The following TBC1D22A variants were observed in gnomAD, a reference collection of about 807,000 sequenced individuals.
TBC1D22A encodes the protein putative GTPase activator.
A neutral mutation model predicts 60.2 loss-of-function variants in TBC1D22A; 38 were observed. The ratio of observed to expected loss-of-function variants is 0.63; its 90% CI spans 0.49 to 0.83. The LOEUF is 0.83. Ranked by LOEUF, TBC1D22A falls within the 40% of genes least tolerant of loss-of-function variation. TBC1D22A has a pLI of 0.00. For missense variants in TBC1D22A, 628 were observed against 701.0 expected (o/e 0.90, Z 1.18); for synonymous variants, 302 against 281.7 (o/e 1.07, Z -0.72).
chr22:47,119,889 A>G (rs569509869), intron 12 of TBC1D22A, among the ~76,000 whole-genome samples: 2 of 152,314 alleles, frequency 1.3e-5, no homozygotes, highest in Non-Finnish European at 2.9e-5. Context: ...GTGTCTGTCC[A>G]GGGCGCCTCG....
intron 12 of TBC1D22A, among the ~76,000 whole-genome samples, chr22:47,122,764 C>T (rs2092839): frequency 0.4 from 61,176 of 152,076 alleles, 12,645 homozygotes; most frequent in South Asian, 0.53. Context: ...GCAGAAGCAG[C>T]GGCGAGGCAT....
chr22:47,034,763 T>G (rs1268791721), intron 10 of TBC1D22A, among the ~76,000 whole-genome samples: 2 of 152,180 alleles, frequency 1.3e-5, no homozygotes, highest in African/African-American at 4.8e-5. Flanking sequence ...AAAGATGAAA[T>G]TGCATTGAAA....
At chr22:46,999,892 G>A (rs2075253767) in intron 10 of TBC1D22A, among the ~76,000 whole-genome samples, 1 of 152,114 alleles carries the variant, frequency 6.6e-6, no homozygotes, top group South Asian at 2.1e-4. Flanking sequence ...GGGCGTGGTG[G>A]CAGGCGCCTG....
At chr22:47,045,238 G>A (rs1009603800) in intron 11 of TBC1D22A, among the ~76,000 whole-genome samples, 8 of 152,234 alleles carry the variant, frequency 5.3e-5, no homozygotes, top group South Asian at 2.1e-4. Flanking sequence ...GGCTGCACAC[G>A]CGGCTGTGTG....
intron 8 of TBC1D22A, chr22:46,915,685 A>T (rs1057177670): frequency 2.0e-5 from 9 of 456,620 alleles, no homozygotes; most frequent in African/African-American, 1.8e-4. Context: ...GCTTTCAGGC[A>T]ACAGCAGACA....
At chr22:47,017,974 T>G (rs2061960685) in intron 10 of TBC1D22A, among the ~76,000 whole-genome samples, 1 of 152,260 alleles carries the variant, frequency 6.6e-6, no homozygotes, top group African/African-American at 2.4e-5. Flanking sequence ...TGGACACCTC[T>G]GCAGTGGTGG....
intron 1 of TBC1D22A, among the ~76,000 whole-genome samples, chr22:46,767,311 T>A (rs2083321833): frequency 6.6e-6 from 1 of 152,224 alleles, no homozygotes; most frequent in Non-Finnish European, 1.5e-5. Context: ...TGTCTGTATC[T>A]GTAGCACAAA....
chr22:47,077,121 A>G (rs1182740397), intron 11 of TBC1D22A, among the ~76,000 whole-genome samples: 1 of 152,228 alleles, frequency 6.6e-6, no homozygotes, highest in Admixed American at 6.5e-5. Context: ...CCTGGTGCCA[A>G]TGGCTCAGCT....
At chr22:47,147,429 G>T (rs564242831) in intron 12 of TBC1D22A, among the ~76,000 whole-genome samples, 21 of 152,214 alleles carry the variant, frequency 1.4e-4, no homozygotes, top group Non-Finnish European at 2.9e-4. Context: ...CCTGCTGCCG[G>T]CCTGGTATAT....
chr22:46,807,716 C>G (rs931429592), intron 4 of TBC1D22A, among the ~76,000 whole-genome samples: 5 of 152,312 alleles, frequency 3.3e-5, no homozygotes, highest in Admixed American at 6.5e-5. Context: ...CAGATGCCAG[C>G]CAGTAGCAAC....
intron 12 of TBC1D22A, among the ~76,000 whole-genome samples, chr22:47,121,547 C>T (rs1056409344): frequency 1.3e-5 from 2 of 152,018 alleles, no homozygotes; most frequent in Non-Finnish European, 2.9e-5. Context: ...AAAAGCATGA[C>T]CTGAAATTGT....
chr22:47,046,016 A>G (rs1186541638), intron 11 of TBC1D22A, among the ~76,000 whole-genome samples: 2 of 152,200 alleles, frequency 1.3e-5, no homozygotes, highest in East Asian at 3.9e-4. Flanking sequence ...ACCTAGGCCA[A>G]GGAGGTTCCC....
At chr22:47,100,144 G>A (rs569518760) in intron 11 of TBC1D22A, among the ~76,000 whole-genome samples, 1 of 152,342 alleles carries the variant, frequency 6.6e-6, no homozygotes, top group East Asian at 1.9e-4. Context: ...CCCTGCAGCT[G>A]CAGGCCGGTC....
At position 46,948,705 on chromosome 22, in the gene TBC1D22A, A is replaced by G. The variant is rs1339079719; in HGVS notation, c.1016-25585A>G. On this transcript the variant is annotated intron_variant, in intron 8 of 12. Transcript: ENST00000337137. ...GGGGCAGAAGCTGCAATTTCTCAAGAAGAAAGAAATGATAGTTGCTGAAAC... is the reference window on the plus strand; with the variant it reads ...GGGGCAGAAGCTGCAATTTCTCAAGGAGAAAGAAATGATAGTTGCTGAAAC... Among the ~76,000 whole-genome samples the G allele has an allele frequency of 2.0e-5, 3 of 152,354 alleles. No homozygotes were observed. In the East Asian group the frequency reaches 5.8e-4, roughly 29 times the overall value.
At chr22:46,882,171 G>A (rs1181078216) in intron 5 of TBC1D22A, among the ~76,000 whole-genome samples, 2 of 152,146 alleles carry the variant, frequency 1.3e-5, no homozygotes, top group East Asian at 1.9e-4. Flanking sequence ...GGCCCACGAA[G>A]CAAATTGGAA....
chr22:47,111,416 C>T (rs2065840781), intron 11 of TBC1D22A, 92 bp from the exon 12 acceptor site: 3 of 1,164,322 alleles, frequency 2.6e-6, no homozygotes, highest in East Asian at 4.7e-5. Flanking sequence ...TGAACCCTGA[C>T]TAGATAAACC....
At chr22:46,908,048 C>T (rs2069617462) in intron 7 of TBC1D22A, among the ~76,000 whole-genome samples, 2 of 152,204 alleles carry the variant, frequency 1.3e-5, no homozygotes, top group South Asian at 4.1e-4. Flanking sequence ...TGAAGCCATG[C>T]TCAGGAGTGC....
chr22:47,100,553 A>G (rs1232352153), intron 11 of TBC1D22A, among the ~76,000 whole-genome samples: 1 of 152,136 alleles, frequency 6.6e-6, no homozygotes, highest in Non-Finnish European at 1.5e-5. Context: ...GGTCTTTCCC[A>G]TGCTGTTCTC....
chr22:47,112,108 C>G (rs768936392), intron 12 of TBC1D22A, among the ~76,000 whole-genome samples: 2 of 152,236 alleles, frequency 1.3e-5, no homozygotes, highest in African/African-American at 4.8e-5. Context: ...TCGCATGCCA[C>G]GCGTCAGAGG....
Sources: gnomAD v4.1 joint callset for allele counts (sites outside exome capture counted in the v4.1 genomes callset) on GRCh38, gnomAD v4.1.1 for gene constraint, MANE v1.5 for transcripts, NCBI Gene and HGNC (gene_info 2026-07-23, HGNC 2026-07-21) for gene names.